Variants in GABRA3 observed in about 807,000 individuals in gnomAD.
The protein encoded by GABRA3 is gamma-aminobutyric acid type A receptor subunit alpha3.
GABRA3 carries 10 observed loss-of-function variants against 30.1 expected under a neutral mutation model. That is an observed-to-expected ratio of 0.33 (90% CI 0.20 to 0.56). GABRA3 has a LOEUF of 0.56. Ranked by LOEUF, GABRA3 falls within the 20% of genes least tolerant of loss-of-function variation. The pLI, the probability that GABRA3 is intolerant of heterozygous loss-of-function variation, is 0.89. For missense variants in GABRA3, 233 were observed against 392.0 expected (o/e 0.59, Z 3.42); for synonymous variants, 151 against 146.8 (o/e 1.03, Z -0.21).
chrX:152,360,875 T>A (rs1928481951), intron 2 of GABRA3, among the ~76,000 whole-genome samples: 1 of 106,173 alleles, frequency 9.4e-6, no homozygotes, highest in South Asian at 4.3e-4. Context: ...GAGTTTGAGA[T>A]CAGCCTGGGC....
At chrX:152,233,988 T>C (rs1310094838) in intron 5 of GABRA3, among the ~76,000 whole-genome samples, 4 of 97,589 alleles carry the variant, frequency 4.1e-5, no homozygotes, top group Non-Finnish European at 6.1e-5. Context: ...TAGGTGGGAA[T>C]TGAACAATGG....
chrX:152,258,742 G>C (rs1938679359), intron 4 of GABRA3, among the ~76,000 whole-genome samples: 1 of 111,649 alleles, frequency 9.0e-6, no homozygotes, highest in African/African-American at 3.3e-5. Context: ...CTTCTTAAAT[G>C]CAACAATAGA....
At chrX:152,421,705 A>G (rs1930377870) in intron 1 of GABRA3, among the ~76,000 whole-genome samples, 1 of 111,849 alleles carries the variant, frequency 8.9e-6, no homozygotes, top group Non-Finnish European at 1.9e-5. Context: ...GCAAATGGTG[A>G]CAATTGAATA....
chrX:152,357,118 T>C (rs1231525986), intron 2 of GABRA3, among the ~76,000 whole-genome samples: 2 of 111,921 alleles, frequency 1.8e-5, no homozygotes, highest in Non-Finnish European at 3.8e-5. Context: ...AATAATGGGA[T>C]GCCTGGGTCA....
At chrX:152,198,975 T>C (rs190889791) in intron 7 of GABRA3, among the ~76,000 whole-genome samples, 1 of 111,716 alleles carries the variant, frequency 9.0e-6, no homozygotes, top group African/African-American at 3.2e-5. Context: ...CATGCCGTAC[T>C]GGAGTAGGGT....
intron 4 of GABRA3, among the ~76,000 whole-genome samples, chrX:152,262,835 G>A (rs1208311445): frequency 8.9e-6 from 1 of 111,734 alleles, no homozygotes; most frequent in Non-Finnish European, 1.9e-5. Context: ...TTACAACAGT[G>A]CCCGACTCTC....
At position 152,175,665 on chromosome X, in the gene GABRA3, C is replaced by T. The variant is rs1937064283; in HGVS notation, c.1144-7102G>A. Among the ~76,000 whole-genome samples, 2 of 111,634 alleles carry T rather than the reference C, an allele frequency of 1.8e-5. 1 individual carries two copies. Among genetic ancestry groups the T allele is most frequent in the South Asian group, 7.5e-4 (2 of 2,676 alleles). ...CTGAGAAGGTAAGTAGAGACCTGAA[C>T]AAAATAAGAAAGCAAGCTGTGAAAA... On this transcript the variant is annotated intron_variant, in intron 9 of 9. Coordinates refer to ENST00000370314, the MANE Select transcript of GABRA3 (RefSeq NM_000808.4).
intron 1 of GABRA3, among the ~76,000 whole-genome samples, chrX:152,417,467 C>A (rs372277878): frequency 9.2e-6 from 1 of 108,741 alleles, no homozygotes; most frequent in Non-Finnish European, 1.9e-5. Flanking sequence ...GTCAGTGTGG[C>A]GATTCCTCAG....
chrX:152,336,602 C>A (rs1940238158), intron 3 of GABRA3, among the ~76,000 whole-genome samples: 1 of 111,558 alleles, frequency 9.0e-6, no homozygotes, highest in Non-Finnish European at 1.9e-5. Context: ...TTAGTTCATT[C>A]AAAATTCAGT....
intron 3 of GABRA3, among the ~76,000 whole-genome samples, chrX:152,321,738 C>T (rs1939967102): frequency 9.0e-6 from 1 of 111,359 alleles, no homozygotes; most frequent in African/African-American, 3.3e-5. Context: ...AACATTTCTC[C>T]GTTTTCCTAG....
rs777689183 is a variant in GABRA3, at chrX:152,212,349, T to C, written c.635-4205A>G. On this transcript the variant is annotated intron_variant, in intron 6 of 9. Coordinates refer to ENST00000370314, the MANE Select transcript of GABRA3 (RefSeq NM_000808.4). ...AAAAAAAATTCCAAATTGCCTACCC[T>C]AAGAACTAAGGGTTTTTGCAGTCCT... Among the ~76,000 whole-genome samples the C allele has an allele frequency of 1.2e-4, 8 of 68,199 alleles. No individual in the cohort carries two copies. In the East Asian group the frequency reaches 4.4e-3, roughly 37 times the overall value. 59.2% of individuals were successfully genotyped at this position (68,199 alleles called of 115,157 possible). A position where few individuals can be genotyped will look rare whatever the true frequency, so the allele number is the denominator to read the frequency against.
At chrX:152,381,172 C>T (rs1929134463) in intron 1 of GABRA3, among the ~76,000 whole-genome samples, 1 of 112,042 alleles carries the variant, frequency 8.9e-6, no homozygotes, top group Non-Finnish European at 1.9e-5. Flanking sequence ...ATGCTTCTTG[C>T]ACGGCCTACA....
chrX:152,361,687 G>A (rs191685546), intron 2 of GABRA3, among the ~76,000 whole-genome samples: 1 of 108,138 alleles, frequency 9.2e-6, no homozygotes, highest in East Asian at 2.9e-4. Context: ...TCACTGTGTG[G>A]CCATGGCTGG....
Position 152,168,084 on chromosome X carries a change from T to C in GABRA3, c.*144A>G, listed in dbSNP as rs1022941220. 4.2e-6 allele frequency: 2 copies of C among 478,600 alleles called. No individual in the cohort carries two copies. The highest frequency in any genetic ancestry group is 7.1e-6 in the Non-Finnish European group (2 of 281,356). 39.4% of individuals were successfully genotyped at this position (478,600 alleles called of 1,213,427 possible). ...TCTGTAGTTATTTTTTGCGTAGAGATTCATAAATATGAATTGAGGGTCACA... is the reference window on the plus strand; with the variant it reads ...TCTGTAGTTATTTTTTGCGTAGAGACTCATAAATATGAATTGAGGGTCACA... On this transcript the variant is annotated 3_prime_UTR_variant, in exon 10 of 10. Transcript: ENST00000370314.
At chrX:152,186,580 T>A (rs760114464) in intron 9 of GABRA3, among the ~76,000 whole-genome samples, 1 of 108,686 alleles carries the variant, frequency 9.2e-6, no homozygotes, top group East Asian at 2.9e-4. Context: ...TTTGCCTCCC[T>A]CCCTTCCTTC....
intron 5 of GABRA3, among the ~76,000 whole-genome samples, chrX:152,245,815 C>A (rs757385581): frequency 4.5e-5 from 5 of 111,445 alleles, no homozygotes; most frequent in Non-Finnish European, 9.4e-5. Flanking sequence ...AATCTAAGGG[C>A]TCTTTGGACA....
rs150894194 is a variant in GABRA3 at position 152,204,417 on chromosome X, T to A, written c.778+3584A>T. 1.1e-3 allele frequency among the ~76,000 whole-genome samples: 120 copies of A among 111,154 alleles called. 4 individuals are homozygous for A. In the East Asian group the frequency reaches 0.027, roughly 25 times the overall value. On this transcript the variant is annotated intron_variant, in intron 7 of 9. Coordinates refer to ENST00000370314, the MANE Select transcript of GABRA3 (RefSeq NM_000808.4). ...TTCTAGATGCAAAGTAGAAAGGGAG[T>A]GATCCATGTAGTTATTATGTTTATA...
intron 2 of GABRA3, among the ~76,000 whole-genome samples, chrX:152,359,725 A>G (rs1928426767): frequency 9.0e-6 from 1 of 111,182 alleles, no homozygotes; most frequent in Non-Finnish European, 1.9e-5. Context: ...CTCTTTAGCC[A>G]TGTCCCAGAG....
chrX:152,232,253 C>A (rs1187007450), intron 5 of GABRA3, among the ~76,000 whole-genome samples: 1 of 110,646 alleles, frequency 9.0e-6, no homozygotes, highest in East Asian at 2.8e-4. Flanking sequence ...AGCATGCTTA[C>A]CTTAGCCATT....
Sources: allele counts gnomAD v4.1 joint callset (sites outside exome capture counted in the v4.1 genomes callset), GRCh38; gene constraint gnomAD v4.1.1; transcripts MANE v1.5; gene names NCBI Gene and HGNC (gene_info 2026-07-23, HGNC 2026-07-21).